The following HSD17B2 variants were observed in gnomAD, a reference collection of about 807,000 sequenced individuals.
HSD17B2 encodes the protein hydroxysteroid 17-beta dehydrogenase 2, also known as 17-beta-hydroxysteroid dehydrogenase type 2.
Under a neutral mutation model 26.9 loss-of-function variants are expected in HSD17B2, and 32 were observed. The ratio of observed to expected loss-of-function variants is 1.19; its 90% CI spans 0.90 to 1.60. The LOEUF (loss-of-function observed/expected upper bound fraction) is 1.60. Among genes scored for constraint, HSD17B2 ranks in the 40% most tolerant of loss-of-function variants. HSD17B2 has a pLI of 0.00. For synonymous variants in HSD17B2, 246 were observed against 186.7 expected (o/e 1.32, Z -2.59); for missense variants, 613 against 468.6 (o/e 1.31, Z -2.85).
intron 1 of HSD17B2, among the ~76,000 whole-genome samples, chr16:82,054,463 G>T (rs1914205748): frequency 6.6e-6 from 1 of 152,016 alleles, no homozygotes; most frequent in African/African-American, 2.4e-5. Context: ...TCCTGCTTCA[G>T]CCTCCCAAGT....
chr16:82,040,833 A>T (rs1913746121), intron 1 of HSD17B2, among the ~76,000 whole-genome samples: 1 of 152,222 alleles, frequency 6.6e-6, no homozygotes, highest in African/African-American at 2.4e-5. Flanking sequence ...GTGTCACTGG[A>T]AATTGGAAAT....
At chr16:82,054,534 G>A (rs901034263) in intron 1 of HSD17B2, among the ~76,000 whole-genome samples, 1 of 152,094 alleles carries the variant, frequency 6.6e-6, no homozygotes, top group African/African-American at 2.4e-5. Flanking sequence ...TAGTAGACAT[G>A]GGGTTTCACC....
At chr16:82,087,494 T>C (rs912746168) in intron 3 of HSD17B2, among the ~76,000 whole-genome samples, 3 of 152,182 alleles carry the variant, frequency 2.0e-5, no homozygotes, top group African/African-American at 4.8e-5. Flanking sequence ...CATACAATAC[T>C]GCCATTTCAT....
intron 3 of HSD17B2, among the ~76,000 whole-genome samples, chr16:82,085,259 G>A (rs959316383): frequency 6.6e-6 from 1 of 152,148 alleles, no homozygotes; most frequent in African/African-American, 2.4e-5. Context: ...AAGATGGGAA[G>A]CCTAGGCTGA....
At chr16:82,039,229 C>G (rs987588434) in intron 1 of HSD17B2, among the ~76,000 whole-genome samples, 2 of 148,882 alleles carry the variant, frequency 1.3e-5, no homozygotes, top group African/African-American at 5.0e-5. Context: ...CTGTTTTCTC[C>G]TCTGTAAATG....
intron 3 of HSD17B2, among the ~76,000 whole-genome samples, chr16:82,085,520 T>A (rs1164852593): frequency 6.6e-6 from 1 of 152,184 alleles, no homozygotes; most frequent in African/African-American, 2.4e-5. Flanking sequence ...CCAAGTACTA[T>A]GTGCTTTCTA....
At chr16:82,069,118 T>A (rs375159770) in intron 2 of HSD17B2, among the ~76,000 whole-genome samples, 1 of 152,200 alleles carries the variant, frequency 6.6e-6, no homozygotes, top group South Asian at 2.1e-4. Flanking sequence ...CATGCGTCCA[T>A]GTGTTCTCAC....
chr16:82,049,553 T>C (rs958354332), intron 1 of HSD17B2, among the ~76,000 whole-genome samples: 1 of 152,258 alleles, frequency 6.6e-6, no homozygotes, highest in African/African-American at 2.4e-5. Context: ...CAGAAGATGC[T>C]GTGAGCATTT....
chr16:82,079,535 T>C (rs1249252560), intron 3 of HSD17B2, among the ~76,000 whole-genome samples: 1 of 152,184 alleles, frequency 6.6e-6, no homozygotes, highest in Non-Finnish European at 1.5e-5. Context: ...AAAGGTTCTA[T>C]CTTCAAATGC....
chr16:82,059,000 G>T (rs997525699), intron 1 of HSD17B2, among the ~76,000 whole-genome samples: 6 of 152,034 alleles, frequency 3.9e-5, no homozygotes, highest in African/African-American at 1.4e-4. Flanking sequence ...CAGTGGGTGT[G>T]GGGTCTGGAA....
intron 2 of HSD17B2, among the ~76,000 whole-genome samples, chr16:82,069,155 A>T (rs1041485621): frequency 6.6e-6 from 1 of 152,078 alleles, no homozygotes; most frequent in East Asian, 1.9e-4. Flanking sequence ...ATAAGTGAGA[A>T]CGTGTGGTGT....
intron 4 of HSD17B2, chr16:82,097,372 C>CACACACAG (rs1409088062): frequency 3.1e-4 from 31 of 98,822 alleles, no homozygotes; most frequent in Non-Finnish European, 6.8e-4. Context: ...CACACACACA[C>CACACACAG]ACACAGACAC....
chr16:82,068,988 G>C lies in HSD17B2; in HGVS notation c.478+606G>C, dbSNP rs8191141. On this transcript the variant is annotated intron_variant, in intron 2 of 4. Transcript: ENST00000199936. Reference sequence around the variant, plus strand: ...TGTGACATAGGTAAGCATGTGCCATGGTGGTTTGCTGCACAGATCCAGCCA... The same window carrying C: ...TGTGACATAGGTAAGCATGTGCCATCGTGGTTTGCTGCACAGATCCAGCCA... Among the ~76,000 whole-genome samples, 1,429 of 152,232 alleles carry C rather than the reference G, an allele frequency of 9.4e-3. 22 individuals carry two copies. Among genetic ancestry groups the C allele is most frequent in the African/African-American group, 0.033 (1,361 of 41,530 alleles).
intron 3 of HSD17B2, among the ~76,000 whole-genome samples, chr16:82,082,330 AT>A (rs1423231488): frequency 6.6e-6 from 1 of 152,084 alleles, no homozygotes; most frequent in East Asian, 1.9e-4. Context: ...GAATGTACAC[AT>A]TGCTTAAAAG....
At chr16:82,076,732 G>A (rs1314714149) in intron 3 of HSD17B2, among the ~76,000 whole-genome samples, 7 of 152,100 alleles carry the variant, frequency 4.6e-5, no homozygotes, top group Admixed American at 4.6e-4. Context: ...GCGCCACCAT[G>A]CCCAGCTATT....
At chr16:82,041,341 C>T (rs968819384) in intron 1 of HSD17B2, among the ~76,000 whole-genome samples, 2 of 152,258 alleles carry the variant, frequency 1.3e-5, no homozygotes, top group Admixed American at 6.5e-5. Context: ...TTGTCCCAAT[C>T]TGCCCACTCA....
intron 1 of HSD17B2, among the ~76,000 whole-genome samples, chr16:82,062,185 T>C (rs1914458740): frequency 6.6e-6 from 1 of 152,258 alleles, no homozygotes; most frequent in Non-Finnish European, 1.5e-5. Flanking sequence ...ACTGAGTCTT[T>C]ATTAACATTT....
chr16:82,080,503 A>T (rs1904350184), intron 3 of HSD17B2, among the ~76,000 whole-genome samples: 1 of 152,184 alleles, frequency 6.6e-6, no homozygotes, highest in Non-Finnish European at 1.5e-5. Flanking sequence ...GGAAAAGTCA[A>T]GGGAACTAGT....
chr16:82,084,284 G>A (rs142494993), intron 3 of HSD17B2, among the ~76,000 whole-genome samples: 119 of 152,152 alleles, frequency 7.8e-4, no homozygotes, highest in African/African-American at 2.6e-3. Context: ...GCATTACGGG[G>A]TGTTTAACAG....
Sources: gnomAD v4.1 joint callset for allele counts (sites outside exome capture counted in the v4.1 genomes callset) on GRCh38, gnomAD v4.1.1 for gene constraint, MANE v1.5 for transcripts, NCBI Gene and HGNC (gene_info 2026-07-23, HGNC 2026-07-21) for gene names.